The following CPEB3 variants were observed in gnomAD, a reference collection of about 807,000 sequenced individuals.
CPEB3 encodes the protein cytoplasmic polyadenylation element binding protein 3.
CPEB3 carries 20 observed loss-of-function variants against 67.2 expected under a neutral mutation model. The observed-to-expected ratio is 0.30, with a 90% confidence interval of 0.21 to 0.43. The LOEUF is 0.43. Ranked by LOEUF, CPEB3 falls within the 20% of genes least tolerant of loss-of-function variation. CPEB3 has a pLI of 1.00. For synonymous variants in CPEB3, 376 were observed against 393.1 expected (o/e 0.96, Z 0.51); for missense variants, 746 against 968.6 (o/e 0.77, Z 3.05).
chr10:92,243,712 A>G (rs921016218), intron 1 of CPEB3, among the ~76,000 whole-genome samples: 17 of 152,182 alleles, frequency 1.1e-4, no homozygotes, highest in African/African-American at 4.1e-4. Flanking sequence ...TTAAACACTT[A>G]AATAATTTTT....
Position 92,053,875 on chromosome 10 carries a change from G to A in CPEB3, c.1870-1436C>T, listed in dbSNP as rs541050200. ...TATTTTTTGTATTTTTAGTAGAAAC[G>A]GGGTTTCACCATGTTAGCCAGGCTG... On this transcript the variant is annotated intron_variant, in intron 9 of 9. Coordinates refer to ENST00000265997, the MANE Select transcript of CPEB3 (RefSeq NM_014912.5). Among the ~76,000 whole-genome samples, 9 of 151,650 alleles carry A rather than the reference G, an allele frequency of 5.9e-5. No individual in the cohort carries two copies. The East Asian group carries it at 7.8e-4, about 13-fold the overall frequency.
At chr10:92,117,309 A>G (rs1417129588) in intron 6 of CPEB3, among the ~76,000 whole-genome samples, 1 of 129,876 alleles carries the variant, frequency 7.7e-6, no homozygotes, top group Non-Finnish European at 1.6e-5. Flanking sequence ...GGCATGAGCC[A>G]CCATGCCTGG....
chr10:92,247,486 C>T (rs1852121154), intron 1 of CPEB3, among the ~76,000 whole-genome samples: 1 of 152,152 alleles, frequency 6.6e-6, no homozygotes, highest in South Asian at 2.1e-4. Context: ...TGACCTTTGC[C>T]TCCCCAGGTC....
At chr10:92,114,047 C>G (rs1301430428) in intron 6 of CPEB3, among the ~76,000 whole-genome samples, 1 of 152,176 alleles carries the variant, frequency 6.6e-6, no homozygotes, top group Admixed American at 6.5e-5. Flanking sequence ...CTGCCATTTT[C>G]TGTAATGGCA....
chr10:92,270,134 A>G (rs1425073659), intron 1 of CPEB3, among the ~76,000 whole-genome samples: 1 of 152,216 alleles, frequency 6.6e-6, no homozygotes, highest in African/African-American at 2.4e-5. Context: ...AACAGTACTG[A>G]GCAAGAAGAT....
intron 6 of CPEB3, among the ~76,000 whole-genome samples, chr10:92,113,445 T>C (rs1333741313): frequency 6.6e-6 from 1 of 152,058 alleles, no homozygotes; most frequent in Non-Finnish European, 1.5e-5. Context: ...AAAGAGGAGG[T>C]CTCAGCAGGT....
At chr10:92,108,570 T>C (rs1343061941) in intron 7 of CPEB3, among the ~76,000 whole-genome samples, 2 of 152,202 alleles carry the variant, frequency 1.3e-5, no homozygotes, top group African/African-American at 2.4e-5. Context: ...TGGGGACTTT[T>C]AAGTTTCCTA....
chr10:92,079,244 C>T (rs1469647601), intron 9 of CPEB3, among the ~76,000 whole-genome samples: 1 of 152,162 alleles, frequency 6.6e-6, no homozygotes, highest in African/African-American at 2.4e-5. Context: ...AAAGAACCCT[C>T]CAAGTAGCAC....
chr10:92,273,216 C>T (rs1268726975), intron 1 of CPEB3, among the ~76,000 whole-genome samples: 3 of 152,034 alleles, frequency 2.0e-5, no homozygotes, highest in African/African-American at 7.2e-5. Context: ...CCCATCTATG[C>T]CCTTTGTCTA....
intron 2 of CPEB3, among the ~76,000 whole-genome samples, chr10:92,228,011 T>C (rs1206821253): frequency 2.0e-5 from 3 of 152,096 alleles, no homozygotes; most frequent in African/African-American, 7.2e-5. Flanking sequence ...CCTTAGCCTC[T>C]GAGTAGCTGG....
chr10:92,150,243 GCTCT>G (rs760681355), intron 4 of CPEB3, among the ~76,000 whole-genome samples: 108 of 150,976 alleles, frequency 7.2e-4, no homozygotes, highest in African/African-American at 1.6e-3. Flanking sequence ...ATTTCCCTCT[GCTCT>G]CTCTCTCTCT....
At chr10:92,150,884 T>C (rs1846934927) in intron 4 of CPEB3, among the ~76,000 whole-genome samples, 1 of 152,174 alleles carries the variant, frequency 6.6e-6, no homozygotes, top group Non-Finnish European at 1.5e-5. Context: ...CCACATAAAA[T>C]ATGTATATTC....
chr10:92,146,668 T>A (rs1410650983), intron 4 of CPEB3, among the ~76,000 whole-genome samples: 1 of 152,202 alleles, frequency 6.6e-6, no homozygotes, highest in Admixed American at 6.5e-5. Flanking sequence ...GTTTTAATGC[T>A]AGGAGTTAAA....
At chr10:92,234,624 T>C (rs1175825996) in intron 2 of CPEB3, among the ~76,000 whole-genome samples, 1 of 152,154 alleles carries the variant, frequency 6.6e-6, no homozygotes, top group East Asian at 1.9e-4. Context: ...CTCAATTTAT[T>C]TGTCAATATA....
At chr10:92,162,953 A>G (rs1008892666) in intron 4 of CPEB3, among the ~76,000 whole-genome samples, 4 of 152,080 alleles carry the variant, frequency 2.6e-5, no homozygotes, top group African/African-American at 9.7e-5. Context: ...AGCTTCCCCA[A>G]TTATCAACAT....
At chr10:92,249,502 T>C (rs763721691) in intron 1 of CPEB3, among the ~76,000 whole-genome samples, 3 of 152,074 alleles carry the variant, frequency 2.0e-5, no homozygotes, top group Non-Finnish European at 4.4e-5. Context: ...GTGTACTCTT[T>C]AGTAGAAAGG....
At chr10:92,207,346 T>C (rs1469464456) in intron 2 of CPEB3, among the ~76,000 whole-genome samples, 7 of 152,060 alleles carry the variant, frequency 4.6e-5, no homozygotes, top group African/African-American at 1.7e-4. Context: ...AAGATAATGG[T>C]AAGACAATAG....
At chr10:92,121,289 TGA>T (rs1845364117) in intron 6 of CPEB3, among the ~76,000 whole-genome samples, 2 of 150,938 alleles carry the variant, frequency 1.3e-5, no homozygotes, top group Non-Finnish European at 2.9e-5. Flanking sequence ...ATTACAGGCG[TGA>T]GCCACCACGC....
intron 7 of CPEB3, among the ~76,000 whole-genome samples, chr10:92,093,818 A>C (rs1386102299): frequency 3.3e-5 from 5 of 151,618 alleles, no homozygotes; most frequent in Non-Finnish European, 5.9e-5. Flanking sequence ...TACATTCTTT[A>C]AGACTGCTAC....
Sources: allele counts gnomAD v4.1 joint callset (sites outside exome capture counted in the v4.1 genomes callset), GRCh38; gene constraint gnomAD v4.1.1; transcripts MANE v1.5; gene names NCBI Gene and HGNC (gene_info 2026-07-23, HGNC 2026-07-21).